The following SEC22C variants were observed in gnomAD, a reference collection of about 807,000 sequenced individuals.
SEC22C encodes SEC22 homolog C, vesicle trafficking protein, also known as vesicle-trafficking protein SEC22c.
A neutral mutation model predicts 34.7 loss-of-function variants in SEC22C; 29 were observed. The ratio of observed to expected loss-of-function variants is 0.84; its 90% confidence interval spans 0.62 to 1.14. SEC22C has a LOEUF of 1.14. SEC22C is among the 50% of genes most tolerant of loss of function. The pLI is 0.00. For synonymous variants in SEC22C, 117 were observed against 132.8 expected (o/e 0.88, Z 0.82); for missense variants, 337 against 369.0 (o/e 0.91, Z 0.71).
At chr3:42,572,299 A>G (rs1310967897) in intron 1 of SEC22C, among the ~76,000 whole-genome samples, 1 of 152,102 alleles carries the variant, frequency 6.6e-6, no homozygotes, top group Non-Finnish European at 1.5e-5. Flanking sequence ...AAAACAAAAA[A>G]CTTGCAGGTA....
intron 1 of SEC22C, among the ~76,000 whole-genome samples, chr3:42,576,764 G>A (rs1703993612): frequency 6.6e-6 from 1 of 151,626 alleles, no homozygotes; most frequent in Admixed American, 6.6e-5. Context: ...CGAGTTTGTG[G>A]CTATAGATAA....
chr3:42,585,578 A>C (rs1285331133), upstream of SEC22C, among the ~76,000 whole-genome samples: 29 of 152,072 alleles, frequency 1.9e-4, no homozygotes, highest in East Asian at 1.9e-4. Context: ...TCGAGTCTTC[A>C]TTTCCTTCCC....
In SEC22C at chr3:42,553,127, G is replaced by T. The variant is rs1008437843; in HGVS notation, c.*121C>A. ...AACTGTTTAACATCCCCAATTCCTGGTTTTTCAGTCCAGTTGGCTGAAAAG... is the reference window on the plus strand; with the variant it reads ...AACTGTTTAACATCCCCAATTCCTGTTTTTTCAGTCCAGTTGGCTGAAAAG... On this transcript the variant is annotated 3_prime_UTR_variant, in exon 7 of 7. Coordinates refer to ENST00000264454, the MANE Select transcript of SEC22C (RefSeq NM_032970.4). 1 of 1,471,094 alleles carries T rather than the reference G, an allele frequency of 6.8e-7. No individual in the cohort carries two copies. Among genetic ancestry groups the T allele is most frequent in the Non-Finnish European group, 8.9e-7 (1 of 1,118,898 alleles). The allele number at this position is 1,471,094 out of a possible 1,614,324, so 91.1% of individuals were successfully genotyped here.
At chr3:42,555,598 C>T (rs1267543360) in intron 6 of SEC22C, among the ~76,000 whole-genome samples, 2 of 152,228 alleles carry the variant, frequency 1.3e-5, no homozygotes, top group African/African-American at 4.8e-5. Context: ...TTGCCACTCA[C>T]TAGTCAGGCC....
At position 42,548,919 on chromosome 3, in the gene SEC22C, C is replaced by A; in HGVS notation, c.*4329G>T. On this transcript the variant is annotated 3_prime_UTR_variant, in exon 7 of 7. Transcript: ENST00000264454. ...AATGGACTCACCCAGTATTACCCTC[C>A]ACTACCACTTTTGACCCTCATAACA... 7.8e-7 allele frequency: 1 copy of A among 1,289,634 alleles called. No individual in the cohort carries two copies. Among genetic ancestry groups the A allele is most frequent in the Non-Finnish European group, 9.9e-7 (1 of 1,013,202 alleles). 79.9% of individuals were successfully genotyped at this position (1,289,634 alleles called of 1,614,324 possible). A position where few individuals can be genotyped will look rare whatever the true frequency, so the allele number is the denominator to read the frequency against.
intron 2 of SEC22C, among the ~76,000 whole-genome samples, chr3:42,567,540 A>T (rs1228638938): frequency 6.6e-6 from 1 of 152,220 alleles, no homozygotes; most frequent in Non-Finnish European, 1.5e-5. Flanking sequence ...TATTACCTAC[A>T]TCATTAGCCA....
chr3:42,585,515 G>T (rs1384047534), upstream of SEC22C, among the ~76,000 whole-genome samples: 1 of 152,190 alleles, frequency 6.6e-6, no homozygotes, highest in Non-Finnish European at 1.5e-5. Context: ...TCTCTAGCCT[G>T]CAGAAACTTC....
chr3:42,593,372 A>C (rs1704921667), intron 1 of SEC22C, among the ~76,000 whole-genome samples: 1 of 152,198 alleles, frequency 6.6e-6, no homozygotes, highest in African/African-American at 2.4e-5. Flanking sequence ...AGCCAAGATC[A>C]CGCCACTGCA....
At chr3:42,553,590 G>T in intron 6 of SEC22C, 142 bp from the exon 7 acceptor site, 1 of 1,266,060 alleles carries the variant, frequency 7.9e-7, no homozygotes, top group East Asian at 2.5e-5. Context: ...ACAGTAAAGC[G>T]TGGACCCACT....
At chr3:42,583,085 T>C (rs1352543150), upstream of SEC22C, among the ~76,000 whole-genome samples, 1 of 152,206 alleles carries the variant, frequency 6.6e-6, no homozygotes, top group Non-Finnish European at 1.5e-5. Context: ...CTAGAGCGAA[T>C]AGAAGGGGCA....
At chr3:42,562,861 A>C (rs558196478) in intron 3 of SEC22C, among the ~76,000 whole-genome samples, 1 of 152,364 alleles carries the variant, frequency 6.6e-6, no homozygotes, top group African/African-American at 2.4e-5. Flanking sequence ...TTTCCAGAGC[A>C]AACTTCTGGG....
intron 5 of SEC22C, among the ~76,000 whole-genome samples, chr3:42,556,471 T>C (rs557083894): frequency 2.6e-5 from 4 of 152,332 alleles, no homozygotes; most frequent in African/African-American, 9.6e-5. Context: ...AGAGCAATCA[T>C]AAACAATAAG....
intron 1 of SEC22C, among the ~76,000 whole-genome samples, chr3:42,580,236 TGA>T (rs948571643): frequency 6.6e-6 from 1 of 151,998 alleles, no homozygotes; most frequent in Admixed American, 6.5e-5. Context: ...AGAGAGAGGC[TGA>T]GAGAGACAGA....
chr3:42,556,116 G>A (rs1209255240), intron 5 of SEC22C, 121 bp from the exon 6 acceptor site: 8 of 715,624 alleles, frequency 1.1e-5, no homozygotes, highest in Admixed American at 5.7e-5. Context: ...CCCTGGCTGG[G>A]TGAGACACAA....
chr3:42,576,176 T>C (rs2125721951), intron 1 of SEC22C, among the ~76,000 whole-genome samples: 1 of 151,700 alleles, frequency 6.6e-6, no homozygotes, highest in South Asian at 2.1e-4. Flanking sequence ...AATGAAAATA[T>C]ATCAAAATTT....
chr3:42,567,362 T>C (rs761670878), intron 2 of SEC22C, among the ~76,000 whole-genome samples: 3 of 152,266 alleles, frequency 2.0e-5, no homozygotes, highest in Non-Finnish European at 2.9e-5. Context: ...ATAGAATGAC[T>C]GGCTTCTTGC....
chr3:42,577,808 A>G (rs1337470438), intron 1 of SEC22C, among the ~76,000 whole-genome samples: 1 of 152,114 alleles, frequency 6.6e-6, no homozygotes, highest in Non-Finnish European at 1.5e-5. Flanking sequence ...CATCTCTACT[A>G]AAAATGCAAA....
intron 1 of SEC22C, among the ~76,000 whole-genome samples, chr3:42,570,284 C>T (rs1222958070): frequency 6.6e-6 from 1 of 152,206 alleles, no homozygotes; most frequent in East Asian, 1.9e-4. Context: ...CAAAGACTGT[C>T]TCAAATCCAC....
intron 2 of SEC22C, 129 bp downstream of exon 2, chr3:42,568,736 T>A: frequency 1.4e-6 from 1 of 734,980 alleles, no homozygotes; most frequent in Non-Finnish European, 2.2e-6. Flanking sequence ...TAGACACACA[T>A]GATCTCAGAC....
Sources: allele counts gnomAD v4.1 joint callset (sites outside exome capture counted in the v4.1 genomes callset), GRCh38; gene constraint gnomAD v4.1.1; transcripts MANE v1.5; gene names NCBI Gene and HGNC (gene_info 2026-07-23, HGNC 2026-07-21).